Variants in RORA observed in about 807,000 individuals in gnomAD.
RORA encodes the protein nuclear receptor ROR-alpha.
In RORA, 7 loss-of-function variants were observed where a neutral mutation model predicts 69.5. That is an observed-to-expected ratio of 0.10 (90% confidence interval 0.06 to 0.19). The LOEUF (loss-of-function observed/expected upper bound fraction) is 0.19, where lower values mean the gene tolerates loss of function less well. Among genes scored for constraint, RORA ranks in the 10% least tolerant of loss-of-function variants. RORA has a pLI of 1.00. For synonymous variants in RORA, 261 were observed against 240.8 expected, an observed-to-expected ratio of 1.08 and a Z score of -0.78; for missense variants, 457 against 663.0, an observed-to-expected ratio of 0.69 and a Z score of 3.41.
At chr15:60,640,028 G>T (rs2069914844) in intron 2 of RORA, among the ~76,000 whole-genome samples, 1 of 152,172 alleles carries the variant, frequency 6.6e-6, no homozygotes, top group Admixed American at 6.5e-5. Context: ...AACAGGCATG[G>T]GTTGGCATCC....
At chr15:61,059,480 C>A (rs1436768061) in intron 1 of RORA, among the ~76,000 whole-genome samples, 1 of 152,144 alleles carries the variant, frequency 6.6e-6, no homozygotes, top group Non-Finnish European at 1.5e-5. Context: ...TTCAAATGTA[C>A]CTATTTATTA....
intron 1 of RORA, among the ~76,000 whole-genome samples, chr15:61,209,254 T>C (rs2079968375): frequency 8.6e-6 from 1 of 115,732 alleles, no homozygotes; most frequent in Admixed American, 9.4e-5. Context: ...ATGAAGGAAC[T>C]TGTTGTTGAA....
chr15:61,144,791 T>C (rs11854222), intron 1 of RORA, among the ~76,000 whole-genome samples: 103,700 of 152,006 alleles, frequency 0.68, 36,417 homozygotes, highest in Non-Finnish European at 0.77. Context: ...AGGAATTGTT[T>C]CTATAGACAG....
At chr15:61,058,420 G>A (rs567816021) in intron 1 of RORA, among the ~76,000 whole-genome samples, 1 of 152,126 alleles carries the variant, frequency 6.6e-6, no homozygotes, top group African/African-American at 2.4e-5. Context: ...CAGGGTCCTG[G>A]ATAACTTTGA....
chr15:60,681,667 A>T (rs1006490157), intron 1 of RORA: 3 of 152,108 alleles, frequency 2.0e-5, no homozygotes, highest in Admixed American at 1.3e-4. Flanking sequence ...ACCAGCAGCC[A>T]TTTTCTCACC....
At chr15:61,119,567 C>T (rs997493437) in intron 1 of RORA, among the ~76,000 whole-genome samples, 2 of 151,954 alleles carry the variant, frequency 1.3e-5, no homozygotes, top group South Asian at 4.2e-4. Flanking sequence ...TCATGGCCCC[C>T]CAAAATGCTG....
chr15:61,008,221 G>C (rs1433362998), intron 1 of RORA, among the ~76,000 whole-genome samples: 2 of 151,658 alleles, frequency 1.3e-5, no homozygotes, highest in Non-Finnish European at 2.9e-5. Flanking sequence ...GTGTGTGTGT[G>C]TGTGTGTGTG....
intron 1 of RORA, among the ~76,000 whole-genome samples, chr15:60,950,144 A>G (rs1301084898): frequency 6.6e-6 from 1 of 151,842 alleles, no homozygotes; most frequent in Non-Finnish European, 1.5e-5. Flanking sequence ...CAACATTCTT[A>G]AAGACAAGAA....
intron 1 of RORA, among the ~76,000 whole-genome samples, chr15:61,033,406 C>T (rs1896277288): frequency 1.7e-4 from 1 of 5,784 alleles, no homozygotes; most frequent in Non-Finnish European, 4.7e-4. Flanking sequence ...TAGCTTTATT[C>T]TGAAAAAAAA....
intron 1 of RORA, among the ~76,000 whole-genome samples, chr15:60,757,041 A>G (rs560108331): frequency 1.1e-4 from 17 of 152,344 alleles, no homozygotes; most frequent in African/African-American, 4.1e-4. Context: ...TACATTTTAA[A>G]ACTTTAACTC....
intron 1 of RORA, among the ~76,000 whole-genome samples, chr15:61,091,677 C>A (rs2078709553): frequency 6.6e-6 from 1 of 152,228 alleles, no homozygotes; most frequent in Admixed American, 6.5e-5. Context: ...TATCCACAAG[C>A]AACTTCACAT....
At chr15:60,647,291 GA>G (rs2070062948) in intron 2 of RORA, among the ~76,000 whole-genome samples, 1 of 152,202 alleles carries the variant, frequency 6.6e-6, no homozygotes, top group African/African-American at 2.4e-5. Flanking sequence ...AAGACAGAGG[GA>G]AGGCATACAC....
chr15:61,184,409 C>G (rs1421406256), intron 1 of RORA, among the ~76,000 whole-genome samples: 1 of 152,116 alleles, frequency 6.6e-6, no homozygotes, highest in Non-Finnish European at 1.5e-5. Context: ...CAATTTCCCC[C>G]CTAAGATAAG....
chr15:60,849,891 C>T (rs990913073), intron 1 of RORA, among the ~76,000 whole-genome samples: 3 of 152,126 alleles, frequency 2.0e-5, no homozygotes, highest in Non-Finnish European at 4.4e-5. Context: ...AGAATCTCTT[C>T]AGGGCTAGTG....
At chr15:61,091,157 C>G (rs930413054) in intron 1 of RORA, among the ~76,000 whole-genome samples, 2 of 152,190 alleles carry the variant, frequency 1.3e-5, no homozygotes, top group Admixed American at 6.5e-5. Context: ...CAAATACGCA[C>G]TCTTTAGAGC....
chr15:60,707,703 A>G (rs2071084074), intron 1 of RORA, among the ~76,000 whole-genome samples: 1 of 152,118 alleles, frequency 6.6e-6, no homozygotes, highest in African/African-American at 2.4e-5. Context: ...CTGGTCCTTA[A>G]GTCCACCCAC....
At chr15:60,665,438 T>G (rs1280737363) in intron 2 of RORA, among the ~76,000 whole-genome samples, 1 of 152,200 alleles carries the variant, frequency 6.6e-6, no homozygotes, top group Non-Finnish European at 1.5e-5. Context: ...CTCAGAAAAT[T>G]AACACATTCT....
At chr15:61,029,157 AC>A (rs1177584107) in intron 1 of RORA, among the ~76,000 whole-genome samples, 5 of 152,098 alleles carry the variant, frequency 3.3e-5, no homozygotes, top group East Asian at 3.8e-4. Context: ...AAAAAAAAAA[AC>A]ATCTAAACAC....
intron 1 of RORA, among the ~76,000 whole-genome samples, chr15:61,205,870 AG>A (rs2079936659): frequency 6.6e-6 from 1 of 152,080 alleles, no homozygotes; most frequent in African/African-American, 2.4e-5. Context: ...TAATGCAGTC[AG>A]GGGAAGGGGA....
Sources: allele counts gnomAD v4.1 joint callset (sites outside exome capture counted in the v4.1 genomes callset), GRCh38; gene constraint gnomAD v4.1.1; transcripts MANE v1.5; gene names NCBI Gene and HGNC (gene_info 2026-07-23, HGNC 2026-07-21).